EXTL3: variants seen among roughly 807,000 people sequenced by gnomAD.
EXTL3 encodes the protein exostosin like glycosyltransferase 3.
Under a neutral mutation model 69.3 loss-of-function variants are expected in EXTL3, and 27 were observed. The ratio of observed to expected loss-of-function variants is 0.39; its 90% CI spans 0.29 to 0.54. The LOEUF (loss-of-function observed/expected upper bound fraction) is 0.54. EXTL3 is among the 20% of genes least tolerant of loss of function. The probability of loss-of-function intolerance (pLI) is 0.69; values close to 1 mark genes in which losing one functional copy is unlikely to be tolerated. For missense variants in EXTL3, 1,003 were observed against 1,231.8 expected (o/e 0.81, Z 2.78); for synonymous variants, 511 against 499.4 (o/e 1.02, Z -0.31).
chr8:28,739,775 G>C (rs1585293924), intron 5 of EXTL3: 2 of 152,174 alleles, frequency 1.3e-5, no homozygotes, highest in African/African-American at 4.8e-5. Context: ...GGCCTTGTTT[G>C]GACTGAGGAT....
chr8:28,731,125 G>A, intron 3 of EXTL3, 98 bp from the exon 4 acceptor site: 1 of 1,505,634 alleles, frequency 6.6e-7, no homozygotes, highest in Non-Finnish European at 9.2e-7. Flanking sequence ...AAATTATTCA[G>A]TAAATCCAGC....
intron 1 of EXTL3, among the ~76,000 whole-genome samples, chr8:28,671,392 TCCTCCGCAA>T (rs1478381556): frequency 6.8e-6 from 1 of 146,128 alleles, no homozygotes; most frequent in African/African-American, 2.5e-5. Context: ...GCTCACTCTC[TCCTCCGCAA>T]CCTCTCAAGA....
intron 1 of EXTL3, among the ~76,000 whole-genome samples, chr8:28,630,175 A>G (rs1397152705): frequency 6.6e-6 from 1 of 152,092 alleles, no homozygotes; most frequent in Non-Finnish European, 1.5e-5. Flanking sequence ...GGTTTTTCCC[A>G]TGCTGCTCTC....
intron 3 of EXTL3, among the ~76,000 whole-genome samples, chr8:28,724,252 C>G (rs900450466): frequency 5.9e-5 from 9 of 152,148 alleles, no homozygotes; most frequent in African/African-American, 2.2e-4. Context: ...GGCTTTCTTA[C>G]CTGCACTTGC....
chr8:28,701,740 C>G (rs1262038891), intron 1 of EXTL3, 81 bp downstream of exon 1: 1 of 153,050 alleles, frequency 6.5e-6, no homozygotes, highest in Non-Finnish European at 1.5e-5. Flanking sequence ...GGGGCTGGCC[C>G]CGAGCGCTGG....
intron 3 of EXTL3, among the ~76,000 whole-genome samples, chr8:28,725,774 A>G (rs1234415324): frequency 6.6e-6 from 1 of 152,188 alleles, no homozygotes; most frequent in East Asian, 1.9e-4. Flanking sequence ...AGAAATAGCC[A>G]GTATTGTGGG....
intron 2 of EXTL3, among the ~76,000 whole-genome samples, chr8:28,616,311 A>G (rs908440649): frequency 6.6e-6 from 1 of 151,736 alleles, no homozygotes; most frequent in South Asian, 2.1e-4. Context: ...CCACAAACAA[A>G]AAGAGAGGCA....
chr8:28,614,925 T>C (rs1359571459), intron 2 of EXTL3, among the ~76,000 whole-genome samples: 1 of 152,182 alleles, frequency 6.6e-6, no homozygotes, highest in African/African-American at 2.4e-5. Context: ...CATTAGCTGT[T>C]CTTCCTGATC....
Position 28,754,320 on chromosome 8 carries a change from A to G in EXTL3, c.*3454A>G, listed in dbSNP as rs1036575537. ...GTGGGCTTCGGGGAGAAGGATGGAGATGGGAAAGGGGGTAAAGGCGAGGAC... is the reference window on the plus strand; with the variant it reads ...GTGGGCTTCGGGGAGAAGGATGGAGGTGGGAAAGGGGGTAAAGGCGAGGAC... On this transcript the variant is annotated 3_prime_UTR_variant, in exon 7 of 7. Coordinates refer to ENST00000220562, the MANE Select transcript of EXTL3 (RefSeq NM_001440.4). 1 of 152,472 alleles carries G rather than the reference A, an allele frequency of 6.6e-6. No individual in the cohort carries two copies. The highest frequency in any genetic ancestry group is 1.5e-5 in the Non-Finnish European group (1 of 68,326). 9.4% of individuals were successfully genotyped at this position (152,472 alleles called of 1,614,324 possible). A position where few individuals can be genotyped will look rare whatever the true frequency, so the allele number is the denominator to read the frequency against.
intron 6 of EXTL3, among the ~76,000 whole-genome samples, chr8:28,747,833 A>T (rs1325830681): frequency 4.1e-5 from 6 of 145,700 alleles, no homozygotes; most frequent in African/African-American, 1.5e-4. Context: ...GGTTCAAGTG[A>T]TTTTCCTGCT....
At chr8:28,619,288 A>C (rs1409421965), upstream of EXTL3, among the ~76,000 whole-genome samples, 2 of 67,606 alleles carry the variant, frequency 3.0e-5, no homozygotes, top group Non-Finnish European at 6.5e-5. Flanking sequence ...AAAAAAAAAA[A>C]AAAAAAAAAA....
chr8:28,679,582 T>C (rs906485450), intron 1 of EXTL3, among the ~76,000 whole-genome samples: 12 of 151,858 alleles, frequency 7.9e-5, no homozygotes, highest in African/African-American at 2.9e-4. Context: ...TACAAAAAAC[T>C]AAACATAGCT....
rs1439988144 is a variant in EXTL3 at position 28,737,657 on chromosome 8, T to C, written c.2415T>C (p.Phe805=). 1.2e-6 allele frequency: 2 copies of C among 1,614,192 alleles called. No homozygotes were observed. Among genetic ancestry groups the C allele is most frequent in the Non-Finnish European group, 1.7e-6 (2 of 1,179,998 alleles). Residue 805 remains phenylalanine (F), a synonymous_variant, in exon 5 of 7, where the codon TTT becomes TTC. Coordinates refer to ENST00000220562, the MANE Select transcript of EXTL3 (RefSeq NM_001440.4). The part of the protein sequence containing the change: ...LSMVLTGAAF[F]HKYYAYLYSY... The stretch of plus-strand genomic sequence containing the variant: ...TGGTGCTGACAGGTGCTGCCTTCTT[T>C]CACAAGGTAAGAAAAAGCTGGTAAT...
rs1199034559 is a variant in EXTL3, at chr8:28,750,365, A to C, written c.2551-292A>C. 1.3e-5 allele frequency among the ~76,000 whole-genome samples: 2 copies of C among 152,198 alleles called. No individual in the cohort carries two copies. The highest frequency in any genetic ancestry group is 4.8e-5 in the African/African-American group (2 of 41,448). On this transcript the variant is annotated intron_variant, in intron 6 of 6. Transcript: ENST00000220562. The surrounding 1 kb of genome is among the most constrained non-coding windows in gnomAD (Gnocchi z 5.2). The stretch of plus-strand genomic sequence containing the variant: ...GGTACCTACCTATGGCTCTGCAACC[A>C]AGTACATACTAGGAGTAGACTTACT...
At chr8:28,705,110 G>T (rs1052567708) in intron 1 of EXTL3, among the ~76,000 whole-genome samples, 4 of 152,336 alleles carry the variant, frequency 2.6e-5, no homozygotes, top group Middle Eastern at 3.4e-3. Flanking sequence ...AAACGAGAAG[G>T]AGGTCTTGGG....
chr8:28,755,536 G>T lies in EXTL3; in HGVS notation c.*4670G>T, dbSNP rs1192052226. On this transcript the variant is annotated 3_prime_UTR_variant, in exon 7 of 7. Transcript: ENST00000220562. ...GGCCAAGGCGGGTGGATCACCTGAG[G>T]TCAGGAGTTTGAGACCAGCCTGGCC... 1 of 152,312 alleles carries T rather than the reference G, an allele frequency of 6.6e-6. No homozygotes were observed. The highest frequency in any genetic ancestry group is 1.5e-5 in the Non-Finnish European group (1 of 68,124). The allele number at this position is 152,312 out of a possible 1,614,324, so 9.4% of individuals were successfully genotyped here.
upstream of EXTL3, among the ~76,000 whole-genome samples, chr8:28,620,942 T>G (rs1182286367): frequency 6.6e-6 from 1 of 152,196 alleles, no homozygotes; most frequent in Non-Finnish European, 1.5e-5. Context: ...CTCTAACTTC[T>G]GAGCTCAAGC....
chr8:28,649,701 G>A (rs541597637), intron 1 of EXTL3, among the ~76,000 whole-genome samples: 48 of 152,246 alleles, frequency 3.2e-4, no homozygotes, highest in African/African-American at 1.1e-3. Flanking sequence ...GTATATTTCA[G>A]TGTGTAGATA....
At chr8:28,708,396 T>G (rs529685188) in intron 1 of EXTL3, among the ~76,000 whole-genome samples, 4 of 152,088 alleles carry the variant, frequency 2.6e-5, no homozygotes, top group African/African-American at 9.6e-5. Flanking sequence ...AGCTTACTCT[T>G]TATCTACAAT....
Sources: allele counts gnomAD v4.1 joint callset (sites outside exome capture counted in the v4.1 genomes callset), GRCh38; gene constraint gnomAD v4.1.1; non-coding constraint Gnocchi (gnomAD v3.1); transcripts MANE v1.5; gene names NCBI Gene and HGNC (gene_info 2026-07-23, HGNC 2026-07-21).